The following DENND6A variants were observed in gnomAD, a reference collection of about 807,000 sequenced individuals.
DENND6A encodes the protein DENN domain containing 6A.
A neutral mutation model predicts 95.5 loss-of-function variants in DENND6A; 43 were observed. That is an observed-to-expected ratio of 0.45 (90% confidence interval 0.35 to 0.58). The LOEUF (loss-of-function observed/expected upper bound fraction) is 0.58, where lower values mean the gene tolerates loss of function less well. Ranked by LOEUF, DENND6A falls within the 20% of genes least tolerant of loss-of-function variation. The pLI is 0.00. For missense variants in DENND6A, 574 were observed against 736.0 expected (o/e 0.78, Z 2.55); for synonymous variants, 257 against 260.4 (o/e 0.99, Z 0.13).
At position 57,646,275 on chromosome 3, in the gene DENND6A, T is replaced by C. The variant is rs777931805; in HGVS notation, c.941+41A>G. On this transcript the variant is annotated intron_variant, in intron 10 of 19. Transcript: ENST00000311128. ...CACCAACAGGTTAAGTACTGCAGCATCCAAAAAAAAAACCCAGAAATAGTA... is the reference window on the plus strand; with the variant it reads ...CACCAACAGGTTAAGTACTGCAGCACCCAAAAAAAAAACCCAGAAATAGTA... 3 of 1,576,388 alleles carry C rather than the reference T, an allele frequency of 1.9e-6. No homozygotes were observed. In the South Asian group the frequency reaches 3.5e-5, roughly 19 times the overall value.
Position 57,662,030 on chromosome 3 carries a change from A to AT in DENND6A, c.514-480dup, listed in dbSNP as rs35871007. On this transcript the variant is annotated intron_variant, in intron 5 of 19. Coordinates refer to ENST00000311128, the MANE Select transcript of DENND6A (RefSeq NM_152678.3). ...ATACAAATTATCCCAATTTTTAAAC[A>AT]TTTTTTTTTTTTCTTAAAAACCACT... Among the ~76,000 whole-genome samples the AT allele has an allele frequency of 2.6e-3, 378 of 147,478 alleles. 1 individual carries two copies. The highest frequency in any genetic ancestry group is 7.0e-3 in the African/African-American group (283 of 40,286).
intron 9 of DENND6A, among the ~76,000 whole-genome samples, chr3:57,653,834 T>G (rs1216967534): frequency 6.6e-6 from 1 of 151,290 alleles, no homozygotes; most frequent in African/African-American, 2.4e-5. Context: ...TCACTGGGTT[T>G]TTTTTTTTTA....
Position 57,637,247 on chromosome 3 carries a change from A to G in DENND6A, c.1133-2478T>C, listed in dbSNP as rs1378649904. 2.0e-5 allele frequency among the ~76,000 whole-genome samples: 3 copies of G among 152,320 alleles called. No individual in the cohort carries two copies. In the East Asian group the frequency reaches 5.8e-4, roughly 29 times the overall value. ...CCAGAACCAGCTGGTTACTGCCATC[A>G]TTCATTCTGATTAATGAGTGCCCTA... On this transcript the variant is annotated intron_variant, in intron 12 of 19. Coordinates refer to ENST00000311128, the MANE Select transcript of DENND6A (RefSeq NM_152678.3).
Position 57,651,741 on chromosome 3 carries a change from G to A in DENND6A, c.819-5303C>T, listed in dbSNP as rs1348639942. Among the ~76,000 whole-genome samples the A allele has an allele frequency of 3.3e-5, 5 of 150,644 alleles. 1 individual carries two copies. The highest frequency in any genetic ancestry group is 6.6e-5 in the Admixed American group (1 of 15,122). On this transcript the variant is annotated intron_variant, in intron 9 of 19. Coordinates refer to ENST00000311128, the MANE Select transcript of DENND6A (RefSeq NM_152678.3). ...ATCTCACACCAGAAAGCAAGACAGT[G>A]TTCAAAGAATGACAGAGATATGGCA... is the stretch of plus-strand genomic sequence containing the variant.
chr3:57,631,028 AACAG>A, intron 15 of DENND6A, 50 bp from the exon 16 acceptor site: 1 of 1,564,390 alleles, frequency 6.4e-7, no homozygotes, highest in East Asian at 2.2e-5. Context: ...AAAATATTTA[AACAG>A]ACCTACTTAA....
At chr3:57,642,451 A>G in intron 11 of DENND6A, among the ~76,000 whole-genome samples, 1 of 151,938 alleles carries the variant, frequency 6.6e-6, no homozygotes, top group Non-Finnish European at 1.5e-5. Flanking sequence ...TGCCAAGTGG[A>G]TGAGAGAGGG....
chr3:57,663,396 A>G (rs2071463781), intron 5 of DENND6A, among the ~76,000 whole-genome samples: 1 of 139,906 alleles, frequency 7.1e-6, no homozygotes, highest in African/African-American at 2.6e-5. Flanking sequence ...CCCAGGAGGC[A>G]GAGGTTGCAG....
intron 9 of DENND6A, among the ~76,000 whole-genome samples, chr3:57,649,922 T>TATAC (rs548416896): frequency 2.0e-5 from 3 of 148,414 alleles, no homozygotes; most frequent in African/African-American, 7.5e-5. Context: ...TGTATATATA[T>TATAC]ACACACACAC....
At chr3:57,654,808 C>T (rs1193166676) in intron 9 of DENND6A, 2 of 980,062 alleles carry the variant, frequency 2.0e-6, no homozygotes, top group African/African-American at 1.8e-5. Context: ...CTTTACTTTG[C>T]TTTCAAGCTC....
intron 9 of DENND6A, among the ~76,000 whole-genome samples, chr3:57,647,379 A>G (rs1008700079): frequency 6.6e-6 from 1 of 152,112 alleles, no homozygotes; most frequent in Admixed American, 6.5e-5. Context: ...AAAGCAGAAC[A>G]TGGTAGGTAT....
chr3:57,628,108 A>G lies in DENND6A; in HGVS notation c.*106T>C, dbSNP rs2070571649. On this transcript the variant is annotated 3_prime_UTR_variant, in exon 20 of 20. Transcript: ENST00000311128. Reference sequence around the variant, plus strand: ...TACCCTGTAACTAGCATTCATGGCAATTTTCCACTCCGCTGCCACTGAGAG... The same window carrying G: ...TACCCTGTAACTAGCATTCATGGCAGTTTTCCACTCCGCTGCCACTGAGAG... 2.7e-6 allele frequency: 4 copies of G among 1,495,078 alleles called. No individual in the cohort carries two copies. Among genetic ancestry groups the G allele is most frequent in the Non-Finnish European group, 2.7e-6 (3 of 1,117,314 alleles). The allele number at this position is 1,495,078 out of a possible 1,614,324, so 92.6% of individuals were successfully genotyped here.
chr3:57,691,132 G>T (rs1285823917), intron 1 of DENND6A, among the ~76,000 whole-genome samples: 1 of 152,084 alleles, frequency 6.6e-6, no homozygotes, highest in Non-Finnish European at 1.5e-5. Context: ...GAATCCAAAA[G>T]AATCTCCTTT....
intron 12 of DENND6A, among the ~76,000 whole-genome samples, chr3:57,639,349 T>C (rs2070874510): frequency 6.6e-6 from 1 of 152,196 alleles, no homozygotes; most frequent in East Asian, 1.9e-4. Flanking sequence ...GGCAAACAGT[T>C]TGGTGATTTC....
chr3:57,687,821 T>C (rs1410588801), intron 1 of DENND6A, among the ~76,000 whole-genome samples: 3 of 151,070 alleles, frequency 2.0e-5, no homozygotes, highest in Non-Finnish European at 4.4e-5. Flanking sequence ...CAGTATCAGC[T>C]ACCAGGGAAG....
chr3:57,660,215 A>G (rs2153415467), intron 7 of DENND6A, among the ~76,000 whole-genome samples: 1 of 148,982 alleles, frequency 6.7e-6, no homozygotes. Flanking sequence ...TTTTTTTGAG[A>G]CAGGGTCTCG....
intron 7 of DENND6A, among the ~76,000 whole-genome samples, chr3:57,659,715 C>A (rs2071388867): frequency 6.6e-6 from 1 of 152,188 alleles, no homozygotes; most frequent in Non-Finnish European, 1.5e-5. Flanking sequence ...ACAACCTATA[C>A]AAAGTCTGAG....
At chr3:57,646,702 T>C (rs1236385159) in intron 9 of DENND6A, among the ~76,000 whole-genome samples, 1 of 152,332 alleles carries the variant, frequency 6.6e-6, no homozygotes, top group Non-Finnish European at 1.5e-5. Flanking sequence ...TAACTGACAA[T>C]AAAAGCATAT....
At chr3:57,664,206 T>C (rs1186597029) in intron 4 of DENND6A, among the ~76,000 whole-genome samples, 2 of 152,154 alleles carry the variant, frequency 1.3e-5, no homozygotes, top group Non-Finnish European at 2.9e-5. Context: ...TAAAACAAAA[T>C]GAGGTATCCT....
chr3:57,628,337 A>G lies in DENND6A; in HGVS notation c.1704T>C (p.Ala568=), dbSNP rs1462112187. 3.1e-6 allele frequency: 5 copies of G among 1,613,844 alleles called. No homozygotes were observed. The highest frequency in any genetic ancestry group is 4.2e-6 in the Non-Finnish European group (5 of 1,179,932). The change falls in exon 20 of 20, where the codon GCT becomes GCC. Residue 568 remains alanine (A), a synonymous_variant. Coordinates refer to ENST00000311128, the MANE Select transcript of DENND6A (RefSeq NM_152678.3). ...VLKLKNKLLQ[A]DREHLPVKPD... Reference sequence around the variant, plus strand: ...GTTTCACAGGTAAGTGCTCTCGATCAGCCTGCAACTACATAAGGAACATTT... The same window carrying G: ...GTTTCACAGGTAAGTGCTCTCGATCGGCCTGCAACTACATAAGGAACATTT...
Sources: gnomAD v4.1 joint callset for allele counts (sites outside exome capture counted in the v4.1 genomes callset) on GRCh38, gnomAD v4.1.1 for gene constraint, MANE v1.5 for transcripts, NCBI Gene and HGNC (gene_info 2026-07-23, HGNC 2026-07-21) for gene names.